PEBP4: variants seen among roughly 807,000 people sequenced by gnomAD.
The protein encoded by PEBP4 is phosphatidylethanolamine-binding protein 4.
Under a neutral mutation model 23.9 loss-of-function variants are expected in PEBP4, and 22 were observed. The observed-to-expected ratio is 0.92, with a 90% confidence interval of 0.66 to 1.31. The LOEUF (loss-of-function observed/expected upper bound fraction) is 1.31. Among genes scored for constraint, PEBP4 ranks in the 40% most tolerant of loss-of-function variants. The pLI is 0.00. For synonymous variants in PEBP4, 112 were observed against 99.3 expected (o/e 1.13, Z -0.76); for missense variants, 324 against 281.7 (o/e 1.15, Z -1.07).
chr8:22,756,251 G>A (rs1475995658), intron 4 of PEBP4, among the ~76,000 whole-genome samples: 3 of 152,198 alleles, frequency 2.0e-5, no homozygotes, highest in African/African-American at 7.2e-5. Flanking sequence ...TCGCAGGGCT[G>A]GAGCAGGACT....
At chr8:22,831,401 T>C (rs1807081582) in intron 3 of PEBP4, among the ~76,000 whole-genome samples, 1 of 152,150 alleles carries the variant, frequency 6.6e-6, no homozygotes, top group Non-Finnish European at 1.5e-5. Flanking sequence ...CCCAGTAGAG[T>C]ACAGTGTCTG....
At chr8:22,825,372 T>C (rs1255342559) in intron 3 of PEBP4, among the ~76,000 whole-genome samples, 1 of 152,188 alleles carries the variant, frequency 6.6e-6, no homozygotes, top group Non-Finnish European at 1.5e-5. Flanking sequence ...TCTTTAAGCA[T>C]AGCCAAGACA....
chr8:22,810,986 A>G (rs1309571132), intron 4 of PEBP4, among the ~76,000 whole-genome samples: 1 of 152,010 alleles, frequency 6.6e-6, no homozygotes, highest in African/African-American at 2.4e-5. Flanking sequence ...CACGCTTGCC[A>G]TAAACCAACG....
chr8:22,786,199 A>T (rs1246104802), intron 4 of PEBP4, among the ~76,000 whole-genome samples: 1 of 152,190 alleles, frequency 6.6e-6, no homozygotes, highest in Admixed American at 6.5e-5. Context: ...AGAACACTCT[A>T]ATACATTATG....
chr8:22,789,183 CAGAA>C (rs943297104), intron 4 of PEBP4, among the ~76,000 whole-genome samples: 6 of 151,846 alleles, frequency 4.0e-5, no homozygotes, highest in African/African-American at 7.3e-5. Flanking sequence ...AAAAATGAAA[CAGAA>C]AGACAGTTAT....
intron 4 of PEBP4, among the ~76,000 whole-genome samples, chr8:22,729,631 T>C (rs1804691804): frequency 6.6e-6 from 1 of 152,212 alleles, no homozygotes; most frequent in Non-Finnish European, 1.5e-5. Context: ...AATCCTTACG[T>C]TGGGTTTGCT....
chr8:22,846,160 G>T (rs1487334428), intron 3 of PEBP4, among the ~76,000 whole-genome samples: 2 of 152,250 alleles, frequency 1.3e-5, no homozygotes, highest in Non-Finnish European at 2.9e-5. Flanking sequence ...TGTGTGCACA[G>T]ATCAGGGCAT....
chr8:22,731,191 G>T (rs897122378), intron 4 of PEBP4, among the ~76,000 whole-genome samples: 2 of 152,074 alleles, frequency 1.3e-5, no homozygotes, highest in African/African-American at 4.8e-5. Context: ...TTCGACAAAA[G>T]TTACACTGAG....
intron 3 of PEBP4, among the ~76,000 whole-genome samples, chr8:22,853,830 G>C (rs926750491): frequency 4.6e-5 from 7 of 152,158 alleles, no homozygotes; most frequent in Admixed American, 4.6e-4. Flanking sequence ...CTTCCTCCAG[G>C]CCTTAGGAGG....
chr8:22,902,735 A>G (rs578010938), intron 3 of PEBP4, among the ~76,000 whole-genome samples: 9 of 152,324 alleles, frequency 5.9e-5, no homozygotes, highest in African/African-American at 2.2e-4. Flanking sequence ...TTAAGTTTCC[A>G]ACATGTCACA....
chr8:22,880,551 C>T (rs1033115604), intron 3 of PEBP4: 3 of 133,410 alleles, frequency 2.2e-5, no homozygotes, highest in African/African-American at 8.4e-5. Flanking sequence ...GATGCTGAGA[C>T]CCTTCCTGAA....
intron 5 of PEBP4, among the ~76,000 whole-genome samples, chr8:22,725,999 A>ATGTGTGTGTGTGTGTGTGTGTGTG (rs10680983): frequency 6.8e-6 from 1 of 146,330 alleles, no homozygotes; most frequent in Non-Finnish European, 1.5e-5. Flanking sequence ...GATCAGATAT[A>ATGTGTGTGTGTGTGTGTGTGTGTG]TGTGTGTGTG....
At chr8:22,753,886 C>T (rs1026287072) in intron 4 of PEBP4, among the ~76,000 whole-genome samples, 2 of 152,206 alleles carry the variant, frequency 1.3e-5, no homozygotes, top group African/African-American at 4.8e-5. Context: ...GAACAGAGCA[C>T]ATCTGTCTGG....
At chr8:22,765,822 A>T (rs1389927985) in intron 4 of PEBP4, among the ~76,000 whole-genome samples, 1 of 147,580 alleles carries the variant, frequency 6.8e-6, no homozygotes. Flanking sequence ...ATGGATCACC[A>T]CCTGTGGATC....
chr8:22,855,953 G>A (rs1807637025), intron 3 of PEBP4, among the ~76,000 whole-genome samples: 2 of 150,374 alleles, frequency 1.3e-5, no homozygotes, highest in South Asian at 4.2e-4. Flanking sequence ...GAGGCAGGAG[G>A]AGGATGGTTG....
chr8:22,809,365 C>T (rs1216350178), intron 4 of PEBP4, among the ~76,000 whole-genome samples: 1 of 152,102 alleles, frequency 6.6e-6, no homozygotes, highest in African/African-American at 2.4e-5. Context: ...GCAGGTGTGG[C>T]TAGAGGTAGA....
intron 2 of PEBP4, among the ~76,000 whole-genome samples, chr8:22,927,249 G>C (rs994034136): frequency 5.9e-5 from 9 of 152,014 alleles, no homozygotes; most frequent in Admixed American, 5.9e-4. Context: ...GCTGCAGGGA[G>C]GGATGGTCTC....
intron 4 of PEBP4, among the ~76,000 whole-genome samples, chr8:22,791,653 C>T (rs1449476949): frequency 2.6e-5 from 4 of 152,192 alleles, no homozygotes; most frequent in Admixed American, 6.5e-5. Context: ...AAGGCAGCCG[C>T]GGAAGTGTAG....
chr8:22,904,821 A>G (rs1190870720), intron 3 of PEBP4, among the ~76,000 whole-genome samples: 2 of 152,188 alleles, frequency 1.3e-5, no homozygotes, highest in Admixed American at 1.3e-4. Context: ...ATGCTTTTTA[A>G]TGGCTATATG....
Sources: gnomAD v4.1 joint callset for allele counts (sites outside exome capture counted in the v4.1 genomes callset) on GRCh38, gnomAD v4.1.1 for gene constraint, MANE v1.5 for transcripts, NCBI Gene and HGNC (gene_info 2026-07-23, HGNC 2026-07-21) for gene names.